The following DZIP3 variants were observed in gnomAD, a reference collection of about 807,000 sequenced individuals.
DZIP3 encodes the protein E3 ubiquitin-protein ligase DZIP3.
A neutral mutation model predicts 162.0 loss-of-function variants in DZIP3; 118 were observed. The ratio of observed to expected loss-of-function variants is 0.73; its 90% CI spans 0.63 to 0.85. The LOEUF is 0.85. Among genes scored for constraint, DZIP3 ranks in the 40% least tolerant of loss-of-function variants. DZIP3 has a pLI of 0.00. For synonymous variants in DZIP3, 438 were observed against 458.6 expected, an observed-to-expected ratio of 0.96 and a Z score of 0.57; for missense variants, 1,331 against 1,407.0, an observed-to-expected ratio of 0.95 and a Z score of 0.86.
At chr3:108,610,327 A>G (rs551869256) in intron 3 of DZIP3, among the ~76,000 whole-genome samples, 1 of 152,192 alleles carries the variant, frequency 6.6e-6, no homozygotes, top group Non-Finnish European at 1.5e-5. Context: ...AAGTTACTGG[A>G]TAATCTCTGC....
intron 8 of DZIP3, among the ~76,000 whole-genome samples, chr3:108,632,188 G>A (rs887092674): frequency 6.6e-6 from 1 of 152,094 alleles, no homozygotes; most frequent in African/African-American, 2.4e-5. Context: ...CTGATTACAT[G>A]ATTCACTTGT....
rs1310516856 is a variant in DZIP3, at chr3:108,654,330, G to T, written c.2199+20G>T. 5 of 1,612,934 alleles carry T rather than the reference G, an allele frequency of 3.1e-6. No individual in the cohort carries two copies. The highest frequency in any genetic ancestry group is 4.2e-6 in the Non-Finnish European group (5 of 1,179,280). ...GAGCAGGTAAGCATGATTAGAGAGGGTGCCTGCCTTCTCTTATTGTTATCT... is the reference window on the plus strand; with the variant it reads ...GAGCAGGTAAGCATGATTAGAGAGGTTGCCTGCCTTCTCTTATTGTTATCT... On this transcript the variant is annotated intron_variant, in intron 19 of 32. Transcript: ENST00000361582.
At chr3:108,624,890 C>CT (rs1288713867) in intron 6 of DZIP3, among the ~76,000 whole-genome samples, 3 of 151,528 alleles carry the variant, frequency 2.0e-5, no homozygotes, top group East Asian at 1.9e-4. Context: ...TTAACATTTC[C>CT]TTTTTTTTCT....
At chr3:108,693,207 A>T (rs1408400620) in intron 32 of DZIP3, among the ~76,000 whole-genome samples, 153 bp from the exon 33 acceptor site, 1 of 151,728 alleles carries the variant, frequency 6.6e-6, no homozygotes, top group Admixed American at 6.6e-5. Flanking sequence ...TTTTTGAATA[A>T]AATATGAGGT....
chr3:108,601,467 A>G (rs1201170057), intron 1 of DZIP3, among the ~76,000 whole-genome samples: 1 of 152,218 alleles, frequency 6.6e-6, no homozygotes, highest in Non-Finnish European at 1.5e-5. Flanking sequence ...TTCCTGAAAA[A>G]GACAAAATAT....
At chr3:108,642,337 A>G in intron 12 of DZIP3, 101 bp from the exon 13 acceptor site, 1 of 1,233,526 alleles carries the variant, frequency 8.1e-7, no homozygotes, top group South Asian at 1.5e-5. Flanking sequence ...TATTTCTAGG[A>G]GAAGATGAAA....
At chr3:108,684,442 T>C (rs1944429888) in intron 27 of DZIP3, 101 bp downstream of exon 27, 7 of 1,382,738 alleles carry the variant, frequency 5.1e-6, no homozygotes, top group Non-Finnish European at 4.9e-6. Flanking sequence ...TTTGATATGA[T>C]AATGATGGGG....
intron 25 of DZIP3, 30 bp downstream of exon 25, chr3:108,675,903 T>G: frequency 6.3e-7 from 1 of 1,586,778 alleles, no homozygotes; most frequent in Non-Finnish European, 8.6e-7. Flanking sequence ...TGGAGAAAAT[T>G]GGCTTAATGT....
intron 4 of DZIP3, among the ~76,000 whole-genome samples, chr3:108,615,083 C>G (rs1011205150): frequency 1.3e-5 from 2 of 152,160 alleles, no homozygotes; most frequent in African/African-American, 4.8e-5. Flanking sequence ...CCAAGCCTTG[C>G]AAATCTGCTG....
intron 2 of DZIP3, 116 bp downstream of exon 2, chr3:108,605,554 GATC>G: frequency 1.0e-6 from 1 of 983,904 alleles, no homozygotes; most frequent in Non-Finnish European, 1.5e-6. Context: ...TTCGACTTCA[GATC>G]ATCAGGCATT....
chr3:108,592,385 G>A (rs892359086), intron 1 of DZIP3, among the ~76,000 whole-genome samples: 4 of 152,150 alleles, frequency 2.6e-5, no homozygotes, highest in African/African-American at 9.7e-5. Flanking sequence ...ATACTGCTGA[G>A]TTAGTTAATA....
intron 9 of DZIP3, among the ~76,000 whole-genome samples, chr3:108,633,428 C>G (rs541071431): frequency 1.3e-5 from 2 of 152,000 alleles, no homozygotes; most frequent in South Asian, 4.2e-4. Flanking sequence ...AGAATGGTAG[C>G]ATTTTACTAA....
chr3:108,601,575 A>G (rs1207632109), intron 1 of DZIP3, among the ~76,000 whole-genome samples: 3 of 152,158 alleles, frequency 2.0e-5, no homozygotes, highest in Non-Finnish European at 4.4e-5. Flanking sequence ...GCATTGTATA[A>G]TCTGTAAGTG....
intron 1 of DZIP3, among the ~76,000 whole-genome samples, chr3:108,594,844 T>G (rs1939626238): frequency 6.6e-6 from 1 of 152,190 alleles, no homozygotes; most frequent in Non-Finnish European, 1.5e-5. Context: ...GTATTTTATA[T>G]TTTGGTTTTG....
intron 19 of DZIP3, among the ~76,000 whole-genome samples, chr3:108,657,999 A>G (rs2107272313): frequency 6.6e-6 from 1 of 152,318 alleles, no homozygotes; most frequent in African/African-American, 2.4e-5. Flanking sequence ...GCAAGTCATT[A>G]AAGACCTACA....
intron 18 of DZIP3, among the ~76,000 whole-genome samples, chr3:108,653,507 G>GTGTATATATATATATATA (rs1273159630): frequency 4.8e-5 from 5 of 104,610 alleles, no homozygotes; most frequent in Admixed American, 1.0e-4. Context: ...GTGTGTGTGT[G>GTGTATATATATATATATA]TATATATATA....
intron 12 of DZIP3, among the ~76,000 whole-genome samples, chr3:108,638,250 T>C (rs971058067): frequency 2.0e-5 from 3 of 152,218 alleles, no homozygotes; most frequent in African/African-American, 7.2e-5. Context: ...TGTCCAAAAC[T>C]GGACTCATGA....
At chr3:108,616,136 T>C (rs9813654) in intron 4 of DZIP3, among the ~76,000 whole-genome samples, 2,896 of 152,080 alleles carry the variant, frequency 0.019, 100 homozygotes, top group African/African-American at 0.067. Flanking sequence ...TGGTGGTGGG[T>C]GTCTGTAGTC....
At chr3:108,678,590 A>G (rs529594851) in intron 26 of DZIP3, among the ~76,000 whole-genome samples, 2 of 152,194 alleles carry the variant, frequency 1.3e-5, no homozygotes, top group East Asian at 3.9e-4. Flanking sequence ...GTTAGGGGCC[A>G]GTGGATCTTA....
Sources: allele counts gnomAD v4.1 joint callset (sites outside exome capture counted in the v4.1 genomes callset), GRCh38; gene constraint gnomAD v4.1.1; transcripts MANE v1.5; gene names NCBI Gene and HGNC (gene_info 2026-07-23, HGNC 2026-07-21).